The following DNAL1 variants were observed in gnomAD, a reference collection of about 807,000 sequenced individuals.
The protein encoded by DNAL1 is chromosome 14 open reading frame 168.
In DNAL1, 17 loss-of-function variants were observed where a neutral mutation model predicts 29.4. That is an observed-to-expected ratio of 0.58 (90% CI 0.40 to 0.87). The LOEUF is 0.87. Among genes scored for constraint, DNAL1 ranks in the 40% least tolerant of loss-of-function variants. DNAL1 has a pLI of 0.00. For missense variants in DNAL1, 188 were observed against 214.1 expected, an observed-to-expected ratio of 0.88 and a Z score of 0.76; for synonymous variants, 78 against 76.3, an observed-to-expected ratio of 1.02 and a Z score of -0.12.
chr14:73,691,827 G>A (rs1427929000), intron 7 of DNAL1, among the ~76,000 whole-genome samples: 1 of 139,462 alleles, frequency 7.2e-6, no homozygotes, highest in Admixed American at 7.4e-5. Flanking sequence ...CCAAGTAGCT[G>A]GAACTACAGG....
At chr14:73,695,793 T>C in intron 7 of DNAL1, 109 bp from the exon 8 acceptor site, 1 of 806,356 alleles carries the variant, frequency 1.2e-6, no homozygotes, top group Non-Finnish European at 1.9e-6. Context: ...CCTCCCAAAG[T>C]GCTGGGATTA....
At chr14:73,686,246 A>C (rs1892016964) in intron 5 of DNAL1, among the ~76,000 whole-genome samples, 1 of 152,178 alleles carries the variant, frequency 6.6e-6, no homozygotes, top group African/African-American at 2.4e-5. Flanking sequence ...CAGTTTGCTA[A>C]ATGACTGTTC....
At chr14:73,672,056 G>C (rs977171858) in intron 5 of DNAL1, among the ~76,000 whole-genome samples, 2 of 152,072 alleles carry the variant, frequency 1.3e-5, no homozygotes, top group Non-Finnish European at 2.9e-5. Flanking sequence ...AATAAATCTA[G>C]CTTGTGCTTC....
intron 5 of DNAL1, among the ~76,000 whole-genome samples, chr14:73,681,881 C>T (rs747249127): frequency 8.6e-4 from 130 of 151,620 alleles, no homozygotes; most frequent in Middle Eastern, 6.9e-3. Flanking sequence ...GGGAGACTGA[C>T]GCAGGTGGAT....
intron 2 of DNAL1, among the ~76,000 whole-genome samples, chr14:73,657,545 C>G (rs972918778): frequency 1.1e-4 from 16 of 152,172 alleles, no homozygotes; most frequent in African/African-American, 3.9e-4. Context: ...TTCCCCCATT[C>G]AACAGGTTTT....
intron 4 of DNAL1, among the ~76,000 whole-genome samples, chr14:73,669,579 T>C (rs1467092847): frequency 4.6e-5 from 7 of 151,830 alleles, no homozygotes; most frequent in African/African-American, 2.4e-5. Flanking sequence ...CCGGTCTAAA[T>C]TTTTTATTTT....
intron 2 of DNAL1, among the ~76,000 whole-genome samples, chr14:73,656,892 AC>A (rs1891229951): frequency 6.6e-6 from 1 of 151,858 alleles, no homozygotes; most frequent in Non-Finnish European, 1.5e-5. Flanking sequence ...TCTTTTTACA[AC>A]TGATTGTATA....
At chr14:73,666,958 CTCTTT>C (rs1891498982) in intron 4 of DNAL1, among the ~76,000 whole-genome samples, 2 of 151,378 alleles carry the variant, frequency 1.3e-5, no homozygotes, top group African/African-American at 4.9e-5. Flanking sequence ...TGTATCCCTT[CTCTTT>C]TTTTTTTTTC....
intron 5 of DNAL1, among the ~76,000 whole-genome samples, chr14:73,674,928 C>T (rs1444052324): frequency 2.6e-5 from 4 of 151,130 alleles, no homozygotes; most frequent in Non-Finnish European, 5.9e-5. Context: ...AAGCAGTCCT[C>T]CCGCTTCAGC....
intron 4 of DNAL1, among the ~76,000 whole-genome samples, chr14:73,662,330 T>C (rs773601756): frequency 1.6e-4 from 24 of 152,192 alleles, no homozygotes; most frequent in Non-Finnish European, 3.2e-4. Flanking sequence ...AGATTTGTAT[T>C]GTCTGTATTT....
rs1466253301 is a variant in DNAL1, at chr14:73,667,414, CCA to C, written c.209-4125_209-4124del. Among the ~76,000 whole-genome samples, 7 of 151,968 alleles carry C rather than the reference CCA, an allele frequency of 4.6e-5. No individual in the cohort carries two copies. In the East Asian group the frequency reaches 1.3e-3, roughly 29 times the overall value. On this transcript the variant is annotated intron_variant, in intron 4 of 7. Coordinates refer to ENST00000553645, the MANE Select transcript of DNAL1 (RefSeq NM_031427.4). ...AAAGTGCTGGGATTACAGGCATGAG[CCA>C]CAGTGACTGGCCAACATCTCACACT...
rs1892478221 is a variant in DNAL1, at chr14:73,703,188, TTA to T, written c.*7247_*7248del. The stretch of plus-strand genomic sequence containing the variant: ...GATCATAAATATCCCATTGTTATTT[TTA>T]GTTCATTGTTTCCTAGAACAAAGGA... On this transcript the variant is annotated 3_prime_UTR_variant, in exon 8 of 8. Coordinates refer to ENST00000553645, the MANE Select transcript of DNAL1 (RefSeq NM_031427.4). The T allele has an allele frequency of 6.6e-6, 1 of 152,238 alleles. No homozygotes were observed. The highest frequency in any genetic ancestry group is 1.5e-5 in the Non-Finnish European group (1 of 68,034). The allele number at this position is 152,238 out of a possible 1,614,324, so 9.4% of individuals were successfully genotyped here. A position where few individuals can be genotyped will look rare whatever the true frequency, so the allele number is the denominator to read the frequency against.
At chr14:73,689,575 A>G in intron 7 of DNAL1, 60 bp downstream of exon 7, 1 of 1,559,504 alleles carries the variant, frequency 6.4e-7, no homozygotes, top group Non-Finnish European at 8.7e-7. Flanking sequence ...AATTTGTGGC[A>G]TGGAATCATG....
chr14:73,665,766 G>C (rs930155872), intron 4 of DNAL1, among the ~76,000 whole-genome samples: 2 of 151,808 alleles, frequency 1.3e-5, no homozygotes, highest in African/African-American at 4.8e-5. Context: ...ACTCCAGCCT[G>C]GGTGACAGAG....
chr14:73,646,169 G>T (rs993748700), intron 1 of DNAL1, among the ~76,000 whole-genome samples: 4 of 152,182 alleles, frequency 2.6e-5, no homozygotes, highest in Non-Finnish European at 5.9e-5. Context: ...TTATATTCAG[G>T]TGAAGAAAGG....
intron 5 of DNAL1, among the ~76,000 whole-genome samples, chr14:73,681,633 A>AAAATATATAT (rs1555402645): frequency 5.6e-5 from 2 of 35,424 alleles, no homozygotes; most frequent in Admixed American, 3.7e-4. Context: ...AAAAAAAAAA[A>AAAATATATAT]ATATATATAT....
chr14:73,692,247 C>T (rs1035638306), intron 7 of DNAL1, among the ~76,000 whole-genome samples: 24 of 152,082 alleles, frequency 1.6e-4, no homozygotes, highest in Middle Eastern at 3.4e-3. Flanking sequence ...TTTGGGAGGC[C>T]GAGGTGGGTG....
intron 5 of DNAL1, among the ~76,000 whole-genome samples, chr14:73,682,867 TTA>T (rs1336110308): frequency 0.031 from 3,288 of 104,414 alleles, 147 homozygotes; most frequent in African/African-American, 0.11. Context: ...TGTTTTATAG[TTA>T]TTTTTTTTTT....
chr14:73,691,943 G>A (rs925443596), intron 7 of DNAL1, among the ~76,000 whole-genome samples: 1 of 146,682 alleles, frequency 6.8e-6, no homozygotes, highest in Non-Finnish European at 1.5e-5. Context: ...TGATCCGCCC[G>A]CCTTGGCCTC....
Sources: allele counts gnomAD v4.1 joint callset (sites outside exome capture counted in the v4.1 genomes callset), GRCh38; gene constraint gnomAD v4.1.1; transcripts MANE v1.5; gene names NCBI Gene and HGNC (gene_info 2026-07-23, HGNC 2026-07-21).